WTIP: variants seen among roughly 807,000 people sequenced by gnomAD.
WTIP encodes Wilms tumor protein 1-interacting protein.
In WTIP, 23 loss-of-function variants were observed where a neutral mutation model predicts 41.7. The observed-to-expected ratio is 0.55, with a 90% CI of 0.40 to 0.78. The LOEUF (loss-of-function observed/expected upper bound fraction) is 0.78. WTIP is among the 30% of genes least tolerant of loss of function. WTIP has a pLI of 0.00. For synonymous variants in WTIP, 314 were observed against 269.9 expected (o/e 1.16, Z -1.60); for missense variants, 619 against 610.5 (o/e 1.01, Z -0.15).
At chr19:34,492,749 A>T (rs2145601812) in intron 2 of WTIP, among the ~76,000 whole-genome samples, 1 of 151,982 alleles carries the variant, frequency 6.6e-6, no homozygotes, top group Admixed American at 6.6e-5. Flanking sequence ...ACTGATCTTC[A>T]AGTGAATGTG....
In WTIP at chr19:34,511,262, G is replaced by A. The variant is rs2965272; in HGVS notation, c.*10993G>A. The A allele has an allele frequency of 0.42, 64,025 of 152,028 alleles. 15,926 individuals carry two copies. Among genetic ancestry groups the A allele is most frequent in the African/African-American group, 0.68 (28,303 of 41,412 alleles). 9.4% of individuals were successfully genotyped at this position (152,028 alleles called of 1,614,324 possible). On this transcript the variant is annotated 3_prime_UTR_variant, in exon 8 of 8. Coordinates refer to ENST00000590071, the MANE Select transcript of WTIP (RefSeq NM_001080436.2). ...TGTGGTAGCGGCAAGAGAAAATGAAGGGTGCAAAAGCGGAAACCCTCGATA... is the reference window on the plus strand; with the variant it reads ...TGTGGTAGCGGCAAGAGAAAATGAAAGGTGCAAAAGCGGAAACCCTCGATA...
rs2075903235 is a variant in WTIP at position 34,504,504 on chromosome 19, C to T, written c.*4235C>T. On this transcript the variant is annotated 3_prime_UTR_variant, in exon 8 of 8. Transcript: ENST00000590071. ...GTCTTGGGCATGGGGTGCCCTCTGC[C>T]CTCATTCTTTCTTCATCCGGGCTCC... 6.6e-6 allele frequency: 1 copy of T among 152,122 alleles called. No homozygotes were observed. Among genetic ancestry groups the T allele is most frequent in the South Asian group, 2.1e-4 (1 of 4,816 alleles). The allele number at this position is 152,122 out of a possible 1,614,324, so 9.4% of individuals were successfully genotyped here.
rs1250325989 is a variant in WTIP at position 34,501,159 on chromosome 19, A to G, written c.*890A>G. On this transcript the variant is annotated 3_prime_UTR_variant, in exon 8 of 8. Coordinates refer to ENST00000590071, the MANE Select transcript of WTIP (RefSeq NM_001080436.2). ...ATTTTCATTTTCTTTAAAAGAATAT[A>G]ATTTTCTTCTAAGATCTTGGACCAG... 1.3e-5 allele frequency: 2 copies of G among 152,804 alleles called. No individual in the cohort carries two copies. The highest frequency in any genetic ancestry group is 2.4e-5 in the African/African-American group (1 of 41,590). 9.5% of individuals were successfully genotyped at this position (152,804 alleles called of 1,614,324 possible).
At chr19:34,486,663 G>A (rs896809212) in intron 1 of WTIP, among the ~76,000 whole-genome samples, 35 of 152,174 alleles carry the variant, frequency 2.3e-4, no homozygotes, top group African/African-American at 6.5e-4. Flanking sequence ...ACCGCGCCTG[G>A]CCGCCTTTGT....
At chr19:34,497,892 C>A (rs985711669) in intron 7 of WTIP, among the ~76,000 whole-genome samples, 2 of 152,192 alleles carry the variant, frequency 1.3e-5, no homozygotes, top group Non-Finnish European at 2.9e-5. Context: ...CGGTCCCCTG[C>A]AGATTGTCCA....
At chr19:34,486,340 C>T (rs903666461) in intron 1 of WTIP, among the ~76,000 whole-genome samples, 11 of 151,760 alleles carry the variant, frequency 7.2e-5, no homozygotes, top group Non-Finnish European at 1.2e-4. Flanking sequence ...TTCCTGTCAC[C>T]ACTGACACCC....
In WTIP at chr19:34,494,281, T is replaced by C. The variant is rs563128922; in HGVS notation, c.1032-305T>C. On this transcript the variant is annotated intron_variant, in intron 5 of 7. Coordinates refer to ENST00000590071, the MANE Select transcript of WTIP (RefSeq NM_001080436.2). ...TCAGATAAGAGGCCAGGGCCGGGCA[T>C]GGTGGCTCATGCCTGTAATCCCAGC... Among the ~76,000 whole-genome samples the C allele has an allele frequency of 1.1e-3, 163 of 151,912 alleles. 1 individual carries two copies. The highest frequency in any genetic ancestry group is 0.01 in the Middle Eastern group (3 of 294).
At chr19:34,496,889 G>A (rs1599961003) in intron 7 of WTIP, among the ~76,000 whole-genome samples, 1 of 150,360 alleles carries the variant, frequency 6.7e-6, no homozygotes. Flanking sequence ...GTTGAGATGA[G>A]TCTCACTCCG....
intron 7 of WTIP, among the ~76,000 whole-genome samples, chr19:34,498,219 G>T (rs55668688): frequency 0.018 from 2,709 of 152,206 alleles, 30 homozygotes; most frequent in Middle Eastern, 0.078. Context: ...CCCCGAGCCC[G>T]CAACGGTAAA....
In WTIP at chr19:34,509,040, A is replaced by C. The variant is rs1568406599; in HGVS notation, c.*8771A>C. 1.3e-5 allele frequency: 2 copies of C among 152,244 alleles called. No homozygotes were observed. The highest frequency in any genetic ancestry group is 2.4e-5 in the African/African-American group (1 of 41,470). The allele number at this position is 152,244 out of a possible 1,614,324, so 9.4% of individuals were successfully genotyped here. On this transcript the variant is annotated 3_prime_UTR_variant, in exon 8 of 8. Transcript: ENST00000590071. ...TTTTATAAATCATGCGGTGATAAATAATATGGCAGTTAGAGCTGGGTGCAC... is the reference window on the plus strand; with the variant it reads ...TTTTATAAATCATGCGGTGATAAATCATATGGCAGTTAGAGCTGGGTGCAC...
intron 2 of WTIP, among the ~76,000 whole-genome samples, chr19:34,491,227 C>G (rs1568399191): frequency 6.6e-6 from 1 of 152,122 alleles, no homozygotes; most frequent in Non-Finnish European, 1.5e-5. Flanking sequence ...AACTATAATC[C>G]AACCACCCTA....
At chr19:34,487,153 G>A (rs1039452332) in intron 1 of WTIP, among the ~76,000 whole-genome samples, 3 of 141,006 alleles carry the variant, frequency 2.1e-5, no homozygotes, top group African/African-American at 8.0e-5. Flanking sequence ...CACCCAGGCT[G>A]GAGTGCAGTG....
At chr19:34,491,079 C>T (rs550703781) in intron 2 of WTIP, among the ~76,000 whole-genome samples, 167 of 151,784 alleles carry the variant, frequency 1.1e-3, no homozygotes, top group African/African-American at 3.9e-3. Flanking sequence ...CCGCCTGCCT[C>T]GGCCTCTCAA....
chr19:34,497,672 G>C (rs577481315), intron 7 of WTIP, among the ~76,000 whole-genome samples: 1 of 152,184 alleles, frequency 6.6e-6, no homozygotes, highest in African/African-American at 2.4e-5. Context: ...AGCAAGTGGC[G>C]GTGGGGAATC....
At chr19:34,487,967 C>T (rs933683210) in intron 1 of WTIP, among the ~76,000 whole-genome samples, 2 of 152,332 alleles carry the variant, frequency 1.3e-5, no homozygotes, top group South Asian at 4.1e-4. Flanking sequence ...GGTCACCCCT[C>T]TCCTTTCCAC....
chr19:34,490,407 C>T lies in WTIP; in HGVS notation c.699C>T (p.Tyr233=), dbSNP rs185060986. 1.5e-5 allele frequency: 25 copies of T among 1,613,988 alleles called. No individual in the cohort carries two copies. Among genetic ancestry groups the T allele is most frequent in the Middle Eastern group, 1.6e-4 (1 of 6,062 alleles). The change falls in exon 2 of 8, where the codon TAC becomes TAT. Residue 233 remains tyrosine (Y), a synonymous_variant. Coordinates refer to ENST00000590071, the MANE Select transcript of WTIP (RefSeq NM_001080436.2). The part of the protein sequence containing the change: ...GICIKCGLGI[Y]GAQQACQAMG... ...GCATCAAGTGTGGGCTTGGCATCTACGGAGCCCAGCAGGCGTGCCAGGCAA... is the reference window on the plus strand; with the variant it reads ...GCATCAAGTGTGGGCTTGGCATCTATGGAGCCCAGCAGGCGTGCCAGGCAA...
At chr19:34,488,703 C>T (rs928837846) in intron 1 of WTIP, among the ~76,000 whole-genome samples, 1 of 151,472 alleles carries the variant, frequency 6.6e-6, no homozygotes, top group African/African-American at 2.4e-5. Flanking sequence ...GCTCAAGTAT[C>T]ACCTGGTGAG....
Position 34,493,249 on chromosome 19 carries a change from G to A in WTIP, c.838-14G>A, listed in dbSNP as rs767275068. ...TTTGTCACACAATGTCCTGGATCCT[G>A]TGTCCCCTCCCAGTACTCCGGGTTC... On this transcript the variant is annotated splice_polypyrimidine_tract_variant and intron_variant, in intron 3 of 7. Transcript: ENST00000590071. This position sits in a 1 kb window ranked among gnomAD's most constrained non-coding sequence, Gnocchi z 4.1. 4.3e-6 allele frequency: 7 copies of A among 1,613,552 alleles called. No homozygotes were observed. Among genetic ancestry groups the A allele is most frequent in the African/African-American group, 4.0e-5 (3 of 74,926 alleles).
At chr19:34,496,445 G>A (rs1239413239) in intron 7 of WTIP, among the ~76,000 whole-genome samples, 1 of 151,936 alleles carries the variant, frequency 6.6e-6, no homozygotes, top group Non-Finnish European at 1.5e-5. Flanking sequence ...TGCTGGGACT[G>A]CAACGTGAGT....
Sources: gnomAD v4.1 joint callset for allele counts (sites outside exome capture counted in the v4.1 genomes callset) on GRCh38, gnomAD v4.1.1 for gene constraint, Gnocchi (gnomAD v3.1) non-coding constraint, MANE v1.5 for transcripts, NCBI Gene and HGNC (gene_info 2026-07-23, HGNC 2026-07-21) for gene names.